The following SDK1 variants were observed in gnomAD, a reference collection of about 807,000 sequenced individuals.
SDK1 encodes protein sidekick-1.
In SDK1, 157 loss-of-function variants were observed where a neutral mutation model predicts 245.5. That is an observed-to-expected ratio of 0.64 (90% confidence interval 0.56 to 0.73). SDK1 has a LOEUF of 0.73. Among genes scored for constraint, SDK1 ranks in the 30% least tolerant of loss-of-function variants. The pLI, the probability that SDK1 is intolerant of heterozygous loss-of-function variation, is 0.00. For synonymous variants in SDK1, 1,647 were observed against 1,278.5 expected (o/e 1.29, Z -6.15); for missense variants, 3,583 against 3,002.3 (o/e 1.19, Z -4.52).
chr7:4,161,232 G>C (rs1397463719), intron 31 of SDK1, among the ~76,000 whole-genome samples: 1 of 152,166 alleles, frequency 6.6e-6, no homozygotes, highest in Non-Finnish European at 1.5e-5. Flanking sequence ...AACCAGCCTT[G>C]TCCCTCCAGA....
At chr7:3,450,101 A>G (rs536262267) in intron 1 of SDK1, among the ~76,000 whole-genome samples, 1 of 152,352 alleles carries the variant, frequency 6.6e-6, no homozygotes, top group African/African-American at 2.4e-5. Flanking sequence ...GGTGAATAGT[A>G]AATATAGACA....
intron 5 of SDK1, among the ~76,000 whole-genome samples, chr7:3,872,483 TTTC>T (rs1186155331): frequency 6.7e-6 from 1 of 150,138 alleles, no homozygotes; most frequent in African/African-American, 2.5e-5. Context: ...TCAGGTTGTT[TTTC>T]TTCTTAAGTG....
chr7:3,371,905 A>G (rs1201520868), intron 1 of SDK1, among the ~76,000 whole-genome samples: 1 of 152,208 alleles, frequency 6.6e-6, no homozygotes, highest in Non-Finnish European at 1.5e-5. Context: ...TATCCTCACA[A>G]TTTGAATTTT....
At chr7:3,326,691 T>G (rs965579841) in intron 1 of SDK1, among the ~76,000 whole-genome samples, 3 of 152,182 alleles carry the variant, frequency 2.0e-5, no homozygotes, top group Admixed American at 6.5e-5. Flanking sequence ...TTATTTAATT[T>G]TTTATCATGG....
At chr7:3,466,623 A>G (rs1187950149) in intron 1 of SDK1, among the ~76,000 whole-genome samples, 2 of 151,288 alleles carry the variant, frequency 1.3e-5, no homozygotes, top group African/African-American at 4.9e-5. Flanking sequence ...TTCCATATCC[A>G]TGTTTCATGT....
chr7:3,669,700 C>T (rs1783637596), intron 4 of SDK1, among the ~76,000 whole-genome samples: 1 of 152,150 alleles, frequency 6.6e-6, no homozygotes, highest in Non-Finnish European at 1.5e-5. Context: ...CTCATCAGCT[C>T]ACATACCAAC....
intron 4 of SDK1, among the ~76,000 whole-genome samples, chr7:3,811,441 A>G (rs1779380048): frequency 6.6e-6 from 1 of 152,186 alleles, no homozygotes; most frequent in Non-Finnish European, 1.5e-5. Context: ...TTAGATTTTA[A>G]CTTTAAGTCA....
At chr7:3,759,023 C>T (rs116978281) in intron 4 of SDK1, among the ~76,000 whole-genome samples, 3 of 152,314 alleles carry the variant, frequency 2.0e-5, no homozygotes, top group Non-Finnish European at 4.4e-5. Flanking sequence ...ACCTGACTCG[C>T]ATTATCCACA....
intron 4 of SDK1, among the ~76,000 whole-genome samples, chr7:3,688,429 A>C (rs78118741): frequency 6.6e-6 from 1 of 152,246 alleles, no homozygotes; most frequent in South Asian, 2.1e-4. Context: ...CTGAGAAGTA[A>C]TAACTGTATC....
intron 1 of SDK1, among the ~76,000 whole-genome samples, chr7:3,581,293 T>G (rs1306045513): frequency 6.6e-6 from 1 of 152,206 alleles, no homozygotes; most frequent in Non-Finnish European, 1.5e-5. Context: ...AAATCAGTGC[T>G]ATGAACTAAA....
At chr7:3,564,997 A>C (rs1779865680) in intron 1 of SDK1, among the ~76,000 whole-genome samples, 1 of 152,048 alleles carries the variant, frequency 6.6e-6, no homozygotes, top group Admixed American at 6.5e-5. Context: ...GGGATCAGGT[A>C]CTTTAAAAGT....
intron 5 of SDK1, among the ~76,000 whole-genome samples, chr7:3,901,050 G>C (rs1284083470): frequency 6.6e-6 from 1 of 151,848 alleles, no homozygotes; most frequent in Admixed American, 6.6e-5. Context: ...TAATCTAATC[G>C]TTCCCTGGCC....
intron 1 of SDK1, among the ~76,000 whole-genome samples, chr7:3,408,387 C>T (rs555808984): frequency 6.6e-6 from 1 of 152,194 alleles, no homozygotes; most frequent in South Asian, 2.1e-4. Context: ...CACTGTATGA[C>T]TAAAATGTTA....
chr7:3,640,220 T>C (rs532016611), intron 3 of SDK1, among the ~76,000 whole-genome samples: 5 of 152,338 alleles, frequency 3.3e-5, no homozygotes, highest in South Asian at 2.1e-4. Flanking sequence ...AAAAATGTTA[T>C]AAGATGTTAA....
chr7:3,460,408 T>C (rs911149091), intron 1 of SDK1, among the ~76,000 whole-genome samples: 12 of 152,352 alleles, frequency 7.9e-5, no homozygotes, highest in African/African-American at 2.6e-4. Flanking sequence ...GTTTATGCTA[T>C]TGAAAATATG....
At chr7:4,181,320 C>T (rs972602731) in intron 35 of SDK1, among the ~76,000 whole-genome samples, 4 of 152,206 alleles carry the variant, frequency 2.6e-5, no homozygotes, top group Non-Finnish European at 4.4e-5. Context: ...ATGCATTTAC[C>T]GCATCTGGTG....
At chr7:3,943,562 AGC>A (rs1362477047) in intron 5 of SDK1, among the ~76,000 whole-genome samples, 1 of 149,056 alleles carries the variant, frequency 6.7e-6, no homozygotes, top group Non-Finnish European at 1.5e-5. Flanking sequence ...TTGTGTTCCT[AGC>A]GCGGAGGCTC....
chr7:3,583,152 G>C (rs74671040), intron 1 of SDK1, among the ~76,000 whole-genome samples: 2 of 152,196 alleles, frequency 1.3e-5, no homozygotes, highest in African/African-American at 4.8e-5. Flanking sequence ...TGGTTCCTGC[G>C]TGTAGGCCAT....
intron 10 of SDK1, among the ~76,000 whole-genome samples, chr7:3,968,629 A>C (rs1583668845): frequency 1.3e-5 from 2 of 152,336 alleles, no homozygotes; most frequent in African/African-American, 2.4e-5. Flanking sequence ...GAAAACTAAA[A>C]ACCGATCACC....
Sources: gnomAD v4.1 joint callset for allele counts (sites outside exome capture counted in the v4.1 genomes callset) on GRCh38, gnomAD v4.1.1 for gene constraint, MANE v1.5 for transcripts, NCBI Gene and HGNC (gene_info 2026-07-23, HGNC 2026-07-21) for gene names.